The following NEK7 variants were observed in gnomAD, a reference collection of about 807,000 sequenced individuals.
NEK7 encodes the protein serine/threonine-protein kinase Nek7.
A neutral mutation model predicts 44.6 loss-of-function variants in NEK7; 18 were observed. The observed-to-expected ratio is 0.40, with a 90% CI of 0.28 to 0.60. The LOEUF (loss-of-function observed/expected upper bound fraction) is 0.60. NEK7 is among the 20% of genes least tolerant of loss of function. NEK7 has a pLI of 0.38. For missense variants in NEK7, 256 were observed against 366.5 expected (o/e 0.70, Z 2.46); for synonymous variants, 130 against 121.1 (o/e 1.07, Z -0.48).
intron 1 of NEK7, among the ~76,000 whole-genome samples, chr1:198,183,218 AGATTTTTCTT>A (rs1664817799): frequency 6.6e-6 from 1 of 152,160 alleles, no homozygotes; most frequent in Non-Finnish European, 1.5e-5. Flanking sequence ...CTGAAACTTC[AGATTTTTCTT>A]GATTTTTCAT....
chr1:198,300,023 C>T (rs183505367), intron 9 of NEK7, among the ~76,000 whole-genome samples: 1 of 152,240 alleles, frequency 6.6e-6, no homozygotes, highest in Admixed American at 6.5e-5. Flanking sequence ...TGAAATATTT[C>T]AGCTACACAT....
intron 1 of NEK7, among the ~76,000 whole-genome samples, chr1:198,195,027 A>G (rs1665191727): frequency 6.6e-6 from 1 of 152,138 alleles, no homozygotes; most frequent in Non-Finnish European, 1.5e-5. Context: ...AATAGTAGCC[A>G]CTTTGACTGG....
intron 1 of NEK7, among the ~76,000 whole-genome samples, chr1:198,212,642 A>C (rs541002692): frequency 9.2e-5 from 14 of 152,258 alleles, no homozygotes; most frequent in African/African-American, 3.4e-4. Flanking sequence ...TTGCTCCTCT[A>C]TCTGCCCTTG....
At chr1:198,262,196 G>A (rs1653497375) in intron 3 of NEK7, among the ~76,000 whole-genome samples, 1 of 151,886 alleles carries the variant, frequency 6.6e-6, no homozygotes, top group African/African-American at 2.4e-5. Context: ...TTCTTCATCT[G>A]TAAAATGGGA....
chr1:198,304,065 G>A (rs540991968), intron 9 of NEK7, among the ~76,000 whole-genome samples: 1 of 152,006 alleles, frequency 6.6e-6, no homozygotes, highest in African/African-American at 2.4e-5. Flanking sequence ...TTCTATTTTT[G>A]TTTAAAAAAT....
intron 9 of NEK7, among the ~76,000 whole-genome samples, chr1:198,314,727 C>T (rs1242082205): frequency 2.0e-5 from 3 of 152,206 alleles, no homozygotes; most frequent in African/African-American, 7.2e-5. Context: ...AGGGGGGTGC[C>T]TCCCAGTTAG....
intron 1 of NEK7, among the ~76,000 whole-genome samples, chr1:198,193,833 C>CA (rs1232057192): frequency 6.6e-6 from 1 of 151,784 alleles, no homozygotes; most frequent in Non-Finnish European, 1.5e-5. Context: ...CCATATATGA[C>CA]AAAAAAGCCA....
At chr1:198,307,824 G>A (rs951982733) in intron 9 of NEK7, among the ~76,000 whole-genome samples, 2 of 152,084 alleles carry the variant, frequency 1.3e-5, no homozygotes, top group Non-Finnish European at 2.9e-5. Flanking sequence ...TAATGGAAAT[G>A]ATTTGAAATT....
chr1:198,279,865 G>C (rs1296939569), intron 7 of NEK7, among the ~76,000 whole-genome samples: 1 of 151,888 alleles, frequency 6.6e-6, no homozygotes, highest in Non-Finnish European at 1.5e-5. Context: ...GTGTGGCCTT[G>C]AACCTGTCAT....
chr1:198,176,624 G>T (rs1461177556), intron 1 of NEK7, among the ~76,000 whole-genome samples: 2 of 151,928 alleles, frequency 1.3e-5, no homozygotes, highest in African/African-American at 4.8e-5. Flanking sequence ...TGTAGAATAA[G>T]AATTTCATTA....
At chr1:198,219,437 A>G (rs968325278) in intron 1 of NEK7, among the ~76,000 whole-genome samples, 1 of 151,652 alleles carries the variant, frequency 6.6e-6, no homozygotes, top group African/African-American at 2.4e-5. Flanking sequence ...ATTATTCTAA[A>G]TGAAGTAAAT....
At chr1:198,304,374 A>AT (rs1356448158) in intron 9 of NEK7, among the ~76,000 whole-genome samples, 3 of 152,162 alleles carry the variant, frequency 2.0e-5, no homozygotes, top group African/African-American at 7.2e-5. Flanking sequence ...ACGCCTAATC[A>AT]TTTTGTATGA....
intron 7 of NEK7, 104 bp from the exon 8 acceptor site, chr1:198,292,841 T>A: frequency 1.4e-6 from 1 of 734,932 alleles, no homozygotes; most frequent in Non-Finnish European, 2.4e-6. Context: ...TAATGAATTA[T>A]TTTGGTGATG....
intron 1 of NEK7, among the ~76,000 whole-genome samples, chr1:198,219,492 G>A (rs910749157): frequency 7.3e-5 from 11 of 150,370 alleles, no homozygotes; most frequent in African/African-American, 2.7e-4. Flanking sequence ...TTATAATTGG[G>A]AGCTAAACTA....
intron 9 of NEK7, among the ~76,000 whole-genome samples, chr1:198,301,515 G>T (rs573667177): frequency 2.0e-5 from 3 of 152,180 alleles, no homozygotes; most frequent in Non-Finnish European, 4.4e-5. Flanking sequence ...GCGCCACTGC[G>T]TTCCAGCCTG....
At chr1:198,248,074 G>A (rs1447098267) in intron 2 of NEK7, among the ~76,000 whole-genome samples, 1 of 152,098 alleles carries the variant, frequency 6.6e-6, no homozygotes, top group Non-Finnish European at 1.5e-5. Flanking sequence ...AGTACAGAGG[G>A]GGTGTGAGGA....
At chr1:198,290,473 T>C (rs1423948400) in intron 7 of NEK7, among the ~76,000 whole-genome samples, 2 of 152,158 alleles carry the variant, frequency 1.3e-5, no homozygotes, top group African/African-American at 2.4e-5. Flanking sequence ...CTCTGCTAGA[T>C]AGAGAGAGGT....
chr1:198,196,951 A>C (rs1226131177), intron 1 of NEK7, among the ~76,000 whole-genome samples: 1 of 152,172 alleles, frequency 6.6e-6, no homozygotes, highest in Non-Finnish European at 1.5e-5. Context: ...TCTCTTGGGT[A>C]TAGTAATAGA....
intron 3 of NEK7, among the ~76,000 whole-genome samples, chr1:198,260,410 C>T (rs1334162434): frequency 1.3e-5 from 2 of 150,854 alleles, no homozygotes; most frequent in African/African-American, 4.9e-5. Context: ...ACTCATAGTC[C>T]TTTCCTTTTT....
Sources: gnomAD v4.1 joint callset for allele counts (sites outside exome capture counted in the v4.1 genomes callset) on GRCh38, gnomAD v4.1.1 for gene constraint, MANE v1.5 for transcripts, NCBI Gene and HGNC (gene_info 2026-07-23, HGNC 2026-07-21) for gene names.